CHD9: variants seen among roughly 807,000 people sequenced by gnomAD.
The protein encoded by CHD9 is chromodomain helicase DNA binding protein 9.
Under a neutral mutation model 316.1 loss-of-function variants are expected in CHD9, and 77 were observed. The ratio of observed to expected loss-of-function variants is 0.24; its 90% CI spans 0.20 to 0.29. CHD9 has a LOEUF of 0.29. Among genes scored for constraint, CHD9 ranks in the 10% least tolerant of loss-of-function variants. The pLI is 1.00. For synonymous variants in CHD9, 1,129 were observed against 1,158.3 expected (o/e 0.97, Z 0.51); for missense variants, 2,763 against 3,438.1 (o/e 0.80, Z 4.91).
intron 22 of CHD9, among the ~76,000 whole-genome samples, chr16:53,272,360 A>G (rs1187333356): frequency 6.6e-6 from 1 of 152,082 alleles, no homozygotes; most frequent in Non-Finnish European, 1.5e-5. Flanking sequence ...AAAGAAAAAA[A>G]AAACCTCTGC....
chr16:53,249,868 T>C lies in CHD9; in HGVS notation c.3666-3T>C. 1.2e-6 allele frequency: 2 copies of C among 1,604,888 alleles called. No individual in the cohort carries two copies. The highest frequency in any genetic ancestry group is 1.7e-6 in the Non-Finnish European group (2 of 1,171,658). On this transcript the variant is annotated splice_region_variant and splice_polypyrimidine_tract_variant and intron_variant, in intron 16 of 38. Coordinates refer to ENST00000447540, the MANE Select transcript of CHD9 (RefSeq NM_001308319.2). ...TGTAAATTTATTCCATTTCATTCCA[T>C]AGATACTTATATGAGCGAATTGATG...
At chr16:53,114,895 T>A (rs1030113998) in intron 1 of CHD9, among the ~76,000 whole-genome samples, 6 of 152,012 alleles carry the variant, frequency 3.9e-5, no homozygotes, top group African/African-American at 1.4e-4. Context: ...CCAGCATTAT[T>A]TTTTTATTTG....
At chr16:53,158,052 A>G (rs1212625078) in intron 2 of CHD9, among the ~76,000 whole-genome samples, 1 of 152,232 alleles carries the variant, frequency 6.6e-6, no homozygotes, top group Non-Finnish European at 1.5e-5. Flanking sequence ...ATAATAAAAA[A>G]TAAATTTAGA....
chr16:53,132,692 G>C (rs1297511684), intron 1 of CHD9, among the ~76,000 whole-genome samples: 1 of 150,910 alleles, frequency 6.6e-6, no homozygotes, highest in Non-Finnish European at 1.5e-5. Flanking sequence ...GGAGCCTTAC[G>C]TTCGATATTT....
chr16:53,241,103 A>G (rs1156942730), intron 12 of CHD9, among the ~76,000 whole-genome samples: 2 of 152,222 alleles, frequency 1.3e-5, no homozygotes, highest in Non-Finnish European at 2.9e-5. Flanking sequence ...AATGGCCAGT[A>G]TACACAATTA....
rs1431755789 is a variant in CHD9 at position 53,238,466 on chromosome 16, T to C, written c.2757T>C (p.Thr919=). The change falls in exon 12 of 39, where the codon ACT becomes ACC. Residue 919 remains threonine, a synonymous_variant. Transcript: ENST00000447540. The part of the protein sequence containing the change: ...GPFLIIAPLS[T]IANWEREFRT... ...TCCTGATTATTGCTCCACTTTCTACTATTGCAAACTGGGAGAGAGAATTTC... is the reference window on the plus strand; with the variant it reads ...TCCTGATTATTGCTCCACTTTCTACCATTGCAAACTGGGAGAGAGAATTTC... 2 of 1,613,332 alleles carry C rather than the reference T, an allele frequency of 1.2e-6. No individual in the cohort carries two copies. Among genetic ancestry groups the C allele is most frequent in the Non-Finnish European group, 1.7e-6 (2 of 1,179,544 alleles).
At chr16:53,146,411 G>GTGTGTA (rs1392376283) in intron 1 of CHD9, among the ~76,000 whole-genome samples, 1 of 23,454 alleles carries the variant, frequency 4.3e-5, no homozygotes, top group African/African-American at 3.1e-4. Flanking sequence ...AATTGTGTGT[G>GTGTGTA]TGTGTATGTA....
intron 24 of CHD9, among the ~76,000 whole-genome samples, chr16:53,280,109 G>A (rs576262590): frequency 3.8e-4 from 58 of 152,270 alleles, no homozygotes; most frequent in Admixed American, 1.2e-3. Flanking sequence ...GGAAAACAGC[G>A]TGGAGATTCC....
At chr16:53,307,608 TCTTGAG>T in intron 32 of CHD9, 67 bp from the exon 33 acceptor site, 1 of 1,371,170 alleles carries the variant, frequency 7.3e-7, no homozygotes, top group Non-Finnish European at 9.9e-7. Context: ...ATCCATAGAC[TCTTGAG>T]CTATTTGATC....
At chr16:53,179,569 G>C (rs898043146) in intron 2 of CHD9, among the ~76,000 whole-genome samples, 8 of 152,054 alleles carry the variant, frequency 5.3e-5, no homozygotes, top group Middle Eastern at 6.8e-3. Flanking sequence ...AATGTATCTT[G>C]TACCCAGTCA....
Position 53,262,985 on chromosome 16 carries a change from A to G in CHD9, c.4210-2A>G. On this transcript the variant is annotated splice_acceptor_variant, in intron 19 of 38. Transcript: ENST00000447540. LOFTEE classifies it high-confidence loss of function. The stretch of plus-strand genomic sequence containing the variant: ...CTCTAAAACTGCCATTATATATTTC[A>G]GGCGAGTTTTGTGGCATCTGGAAAC... 6.2e-7 allele frequency: 1 copy of G among 1,610,886 alleles called. No individual in the cohort carries two copies. The highest frequency in any genetic ancestry group is 8.5e-7 in the Non-Finnish European group (1 of 1,177,714).
At position 53,235,243 on chromosome 16, in the gene CHD9, G is replaced by A. The variant is rs371384628; in HGVS notation, c.2570G>A (p.Gly857Asp). The A allele has an allele frequency of 1.9e-6, 3 of 1,548,998 alleles. No homozygotes were observed. Among genetic ancestry groups the A allele is most frequent in the South Asian group, 2.4e-5 (2 of 84,222 alleles). The change falls in exon 11 of 39, where the codon GGC becomes GAC. Residue 857 changes from glycine (G) to aspartate (D), a missense_variant. Gly to Asp is a moderately conservative substitution (Grantham distance 94). Transcript: ENST00000447540. The part of the protein sequence containing the change: ...KIDQSRDYKN[G>D]NQLREYQLEG... Reference sequence around the variant, plus strand: ...GATCAATCCAGGGACTATAAAAATGGCAATCAACTCAGGGAATATCAACTG... The same window carrying A: ...GATCAATCCAGGGACTATAAAAATGACAATCAACTCAGGGAATATCAACTG...
chr16:53,061,531 C>T (rs1485798125), intron 1 of CHD9, among the ~76,000 whole-genome samples: 1 of 152,062 alleles, frequency 6.6e-6, no homozygotes, highest in Non-Finnish European at 1.5e-5. Flanking sequence ...GTGAAATTAA[C>T]CGAGAAAGGG....
At chr16:53,097,174 T>TG (rs36099163) in intron 1 of CHD9, among the ~76,000 whole-genome samples, 67,065 of 151,862 alleles carry the variant, frequency 0.44, 15,821 homozygotes, top group African/African-American at 0.61. Flanking sequence ...CAAGTATATT[T>TG]AAATACACTT....
intron 4 of CHD9, among the ~76,000 whole-genome samples, chr16:53,224,362 G>A (rs73597702): frequency 0.032 from 4,932 of 152,174 alleles, 97 homozygotes; most frequent in Middle Eastern, 0.071. Context: ...ACCTTATTTG[G>A]CTTTACCTAA....
chr16:53,275,217 G>C lies in CHD9; in HGVS notation c.4967+915G>C, dbSNP rs149005670. On this transcript the variant is annotated intron_variant, in intron 24 of 38. Transcript: ENST00000447540. ...TAATTTTTGTATTTTTAGTAGAGAC[G>C]AGGTTTCACCATGTTGGCGAAGCTG... is the stretch of plus-strand genomic sequence containing the variant. Among the ~76,000 whole-genome samples, 11 of 152,000 alleles carry C rather than the reference G, an allele frequency of 7.2e-5. No individual in the cohort carries two copies. In the East Asian group the frequency reaches 2.1e-3, roughly 30 times the overall value.
intron 17 of CHD9, among the ~76,000 whole-genome samples, chr16:53,251,855 GT>G (rs1281071190): frequency 2.0e-5 from 3 of 151,752 alleles, no homozygotes; most frequent in Non-Finnish European, 2.9e-5. Flanking sequence ...ACCTTGGGTG[GT>G]TTTTTTTCCC....
At chr16:53,085,502 G>A (rs2035393119) in intron 1 of CHD9, among the ~76,000 whole-genome samples, 1 of 152,110 alleles carries the variant, frequency 6.6e-6, no homozygotes, top group South Asian at 2.1e-4. Flanking sequence ...CCCCATTGAT[G>A]CTGATTTATC....
rs772441776 is a variant in CHD9 at position 53,156,065 on chromosome 16, C to T, written c.-25C>T. ...AATATACTCCATTTGGAGTGAACAG[C>T]CCGGATTGTTACAGAATTTTCAAGA... On this transcript the variant is annotated 5_prime_UTR_variant, in exon 2 of 39. Coordinates refer to ENST00000447540, the MANE Select transcript of CHD9 (RefSeq NM_001308319.2). The T allele has an allele frequency of 6.3e-7, 1 of 1,595,928 alleles. No individual in the cohort carries two copies. The highest frequency in any genetic ancestry group is 1.2e-5 in the South Asian group (1 of 86,938).
Sources: gnomAD v4.1 joint callset for allele counts (sites outside exome capture counted in the v4.1 genomes callset) on GRCh38, gnomAD v4.1.1 for gene constraint, MANE v1.5 for transcripts, NCBI Gene and HGNC (gene_info 2026-07-23, HGNC 2026-07-21) for gene names.